Variants in PLEKHA6 observed in about 807,000 individuals in gnomAD.
PLEKHA6 encodes pleckstrin homology domain containing A6.
Under a neutral mutation model 116.7 loss-of-function variants are expected in PLEKHA6, and 60 were observed. That is an observed-to-expected ratio of 0.51 (90% CI 0.42 to 0.64). The LOEUF is 0.64. Among genes scored for constraint, PLEKHA6 ranks in the 30% least tolerant of loss-of-function variants. The pLI is 0.00. For missense variants in PLEKHA6, 1,338 were observed against 1,422.7 expected (o/e 0.94, Z 0.96); for synonymous variants, 489 against 556.1 (o/e 0.88, Z 1.70).
In PLEKHA6 at chr1:204,229,715, G is replaced by A. The variant is rs532692343; in HGVS notation, c.2584-611C>T. Among the ~76,000 whole-genome samples the A allele has an allele frequency of 2.8e-3, 422 of 152,210 alleles. 3 individuals are homozygous for A. The highest frequency in any genetic ancestry group is 9.3e-3 in the African/African-American group (388 of 41,514). On this transcript the variant is annotated intron_variant, in intron 18 of 22. Coordinates refer to ENST00000272203, the MANE Select transcript of PLEKHA6 (RefSeq NM_014935.5). ...CATGCATGAGGAGCCAACCACACCCGGCTAACTTCCAGTGATTTCATATTA... is the reference window on the plus strand; with the variant it reads ...CATGCATGAGGAGCCAACCACACCCAGCTAACTTCCAGTGATTTCATATTA...
intron 1 of PLEKHA6, among the ~76,000 whole-genome samples, chr1:204,334,898 A>T (rs772210657): frequency 3.0e-4 from 46 of 152,208 alleles, no homozygotes; most frequent in Non-Finnish European, 5.7e-4. Flanking sequence ...GCTCTGTCTA[A>T]AAAATAAAAT....
chr1:204,236,651 C>T lies in PLEKHA6; in HGVS notation c.2409+4724G>A, dbSNP rs1662094978. Among the ~76,000 whole-genome samples, 3 of 152,142 alleles carry T rather than the reference C, an allele frequency of 2.0e-5. No homozygotes were observed. The South Asian group carries it at 6.2e-4, about 32-fold the overall frequency. On this transcript the variant is annotated intron_variant, in intron 17 of 22. Transcript: ENST00000272203. ...TGGGTGTAGCTACTGTAATGTACAG[C>T]AGAGGCAAAATGGCAATCAGAATAG...
intron 1 of PLEKHA6, among the ~76,000 whole-genome samples, chr1:204,306,076 C>T (rs1036591390): frequency 6.6e-6 from 1 of 152,134 alleles, no homozygotes; most frequent in Non-Finnish European, 1.5e-5. Context: ...TCTTTTTGTT[C>T]CTTTCCATCC....
rs1667721056 is a variant in PLEKHA6, at chr1:204,273,750, A to T, written c.-13-10T>A. On this transcript the variant is annotated splice_polypyrimidine_tract_variant and intron_variant, in intron 2 of 22. Coordinates refer to ENST00000272203, the MANE Select transcript of PLEKHA6 (RefSeq NM_014935.5). ...CATGTCCAAGGTCGATCTGATTTCA[A>T]GTCGACCAGAGAAAAGAGATTGGTG... 1 of 1,571,580 alleles carries T rather than the reference A, an allele frequency of 6.4e-7. No homozygotes were observed. The highest frequency in any genetic ancestry group is 8.8e-7 in the Non-Finnish European group (1 of 1,141,396).
At chr1:204,263,242 C>T (rs993955724) in intron 6 of PLEKHA6, among the ~76,000 whole-genome samples, 12 of 152,136 alleles carry the variant, frequency 7.9e-5, no homozygotes, top group African/African-American at 1.9e-4. Flanking sequence ...TGGGTAGGGG[C>T]GCTGGCCTGG....
At chr1:204,279,995 A>G (rs1387878998) in intron 1 of PLEKHA6, among the ~76,000 whole-genome samples, 1 of 152,200 alleles carries the variant, frequency 6.6e-6, no homozygotes, top group Non-Finnish European at 1.5e-5. Context: ...CAGATGAAGG[A>G]GCGAAAAAAT....
At chr1:204,264,202 C>T (rs144426998) in intron 6 of PLEKHA6, among the ~76,000 whole-genome samples, 2 of 152,254 alleles carry the variant, frequency 1.3e-5, no homozygotes, top group African/African-American at 4.8e-5. Flanking sequence ...ATGATTTTTA[C>T]ATCATAAAAT....
chr1:204,362,009 G>A (rs533159636), upstream of PLEKHA6, among the ~76,000 whole-genome samples: 1 of 152,232 alleles, frequency 6.6e-6, no homozygotes, highest in African/African-American at 2.4e-5. Flanking sequence ...CCGCAGACGA[G>A]TCCCACGGAT....
chr1:204,338,331 G>A (rs1047529224), intron 1 of PLEKHA6, among the ~76,000 whole-genome samples: 1 of 152,180 alleles, frequency 6.6e-6, no homozygotes, highest in African/African-American at 2.4e-5. Flanking sequence ...AAGAATATAT[G>A]TAAAGCTCCT....
rs997452288 is a variant in PLEKHA6 at position 204,228,402 on chromosome 1, G to A, written c.2886-174C>T. On this transcript the variant is annotated intron_variant, in intron 20 of 22. Coordinates refer to ENST00000272203, the MANE Select transcript of PLEKHA6 (RefSeq NM_014935.5). This position sits in a 1 kb window ranked among gnomAD's most constrained non-coding sequence, Gnocchi z 4.0. ...GTGGGACCCTGGCAAAACACAGGTT[G>A]GGACCCCTACCTTCAATGTTCTCAA... Among the ~76,000 whole-genome samples, 2 of 152,130 alleles carry A rather than the reference G, an allele frequency of 1.3e-5. No homozygotes were observed. Among genetic ancestry groups the A allele is most frequent in the Non-Finnish European group, 2.9e-5 (2 of 68,020 alleles).
intron 17 of PLEKHA6, 108 bp downstream of exon 17, chr1:204,241,267 C>A: frequency 1.4e-6 from 1 of 706,516 alleles, no homozygotes; most frequent in Non-Finnish European, 2.4e-6. Context: ...CCACCTTCCT[C>A]TCCAGCCCTG....
chr1:204,256,578 C>T (rs537973021), intron 9 of PLEKHA6, among the ~76,000 whole-genome samples: 36 of 152,322 alleles, frequency 2.4e-4, no homozygotes, highest in Admixed American at 1.7e-3. Context: ...CTCATCCCTC[C>T]TCCACGGGCT....
intron 1 of PLEKHA6, among the ~76,000 whole-genome samples, chr1:204,336,587 T>C (rs866806449): frequency 2.7e-5 from 4 of 150,024 alleles, no homozygotes; most frequent in Non-Finnish European, 5.9e-5. Flanking sequence ...TGTGTGTGTG[T>C]GCACGCACAT....
upstream of PLEKHA6, among the ~76,000 whole-genome samples, chr1:204,363,051 G>A (rs1488913433): frequency 1.3e-5 from 2 of 152,202 alleles, no homozygotes; most frequent in African/African-American, 2.4e-5. Flanking sequence ...AGAGCTAGTG[G>A]GGTCACTGTA....
rs1208058967 is a variant in PLEKHA6, at chr1:204,257,937, C to T, written c.1008-68G>A. ...CACCCCTCCACCCACCCCAGCCCCA[C>T]CTCCAGGTCCCCCAGCCTAGAGCAG... is the stretch of plus-strand genomic sequence containing the variant. On this transcript the variant is annotated intron_variant, in intron 8 of 22. Coordinates refer to ENST00000272203, the MANE Select transcript of PLEKHA6 (RefSeq NM_014935.5). This position sits in a 1 kb window ranked among gnomAD's most constrained non-coding sequence, Gnocchi z 6.5. 2.1e-6 allele frequency: 3 copies of T among 1,426,040 alleles called. No homozygotes were observed. Among genetic ancestry groups the T allele is most frequent in the Non-Finnish European group, 2.9e-6 (3 of 1,041,582 alleles). 88.3% of individuals were successfully genotyped at this position (1,426,040 alleles called of 1,614,324 possible). A position where few individuals can be genotyped will look rare whatever the true frequency, so the allele number is the denominator to read the frequency against.
Position 204,218,869 on chromosome 1 carries a change from T to C in PLEKHA6, c.*3919A>G, listed in dbSNP as rs1432914432. ...CACCACATATACAAACCATTCATTT[T>C]ATTTCCTGTATTGGGTTTATACAAA... is the stretch of plus-strand genomic sequence containing the variant. On this transcript the variant is annotated 3_prime_UTR_variant, in exon 23 of 23. Coordinates refer to ENST00000272203, the MANE Select transcript of PLEKHA6 (RefSeq NM_014935.5). The C allele has an allele frequency of 6.6e-6, 1 of 152,638 alleles. No individual in the cohort carries two copies. The highest frequency in any genetic ancestry group is 1.9e-4 in the East Asian group (1 of 5,194). 9.5% of individuals were successfully genotyped at this position (152,638 alleles called of 1,614,324 possible). A position where few individuals can be genotyped will look rare whatever the true frequency, so the allele number is the denominator to read the frequency against.
In PLEKHA6 at chr1:204,267,471, T is replaced by C. The variant is rs1266760047; in HGVS notation, c.280+4A>G. ...ATCCCTGCCAGTCCAAGGGCCAAGC[T>C]CACCTTTATAGTAGAAGAGGCAGCG... is the stretch of plus-strand genomic sequence containing the variant. On this transcript the variant is annotated splice_donor_region_variant and intron_variant, in intron 5 of 22. Transcript: ENST00000272203. 2.5e-6 allele frequency: 4 copies of C among 1,613,154 alleles called. No individual in the cohort carries two copies. The highest frequency in any genetic ancestry group is 4.5e-5 in the East Asian group (2 of 44,866).
chr1:204,250,804 C>T (rs1664450812), intron 9 of PLEKHA6, among the ~76,000 whole-genome samples, 190 bp from the exon 10 acceptor site: 2 of 152,170 alleles, frequency 1.3e-5, no homozygotes, highest in Non-Finnish European at 2.9e-5. Context: ...CCGGCCTAAC[C>T]CCATCCCAGT....
chr1:204,338,967 C>T (rs1482712524), intron 1 of PLEKHA6, among the ~76,000 whole-genome samples: 1 of 152,228 alleles, frequency 6.6e-6, no homozygotes, highest in African/African-American at 2.4e-5. Context: ...CCCGTGCATC[C>T]GGGCAGGCTC....
Sources: allele counts gnomAD v4.1 joint callset (sites outside exome capture counted in the v4.1 genomes callset), GRCh38; gene constraint gnomAD v4.1.1; non-coding constraint Gnocchi (gnomAD v3.1); transcripts MANE v1.5; gene names NCBI Gene and HGNC (gene_info 2026-07-23, HGNC 2026-07-21).